DNAJC30: variants seen among roughly 807,000 people sequenced by gnomAD.
The protein encoded by DNAJC30 is dnaJ homolog subfamily C member 30, mitochondrial.
In DNAJC30, 16 loss-of-function variants were observed where a neutral mutation model predicts 15.4. That is an observed-to-expected ratio of 1.04 (90% confidence interval 0.70 to 1.58). The LOEUF is 1.58. Among genes scored for constraint, DNAJC30 ranks in the 40% most tolerant of loss-of-function variants. The pLI is 0.00. For synonymous variants in DNAJC30, 161 were observed against 140.2 expected (o/e 1.15, Z -1.05); for missense variants, 352 against 320.9 (o/e 1.10, Z -0.74).
At position 73,683,144 on chromosome 7, in the gene DNAJC30, T is replaced by C. The variant is rs1554611707; in HGVS notation, c.280A>G (p.Ile94Val). ...CCCAGCACCACGTAGGCCTGGGAGA[T>C]GCGCGTGAAGCGCTCGGCGGCCTCC... The part of the protein sequence containing the change: ...SAEAAERFTR[I>V]SQAYVVLGSA... The change falls in exon 1 of 1, where the codon ATC becomes GTC. Residue 94 changes from isoleucine to valine, a missense_variant. Coordinates refer to ENST00000395176, the MANE Select transcript of DNAJC30 (RefSeq NM_032317.3). 5 of 1,613,978 alleles carry C rather than the reference T, an allele frequency of 3.1e-6. No individual in the cohort carries two copies. The highest frequency in any genetic ancestry group is 3.4e-6 in the Non-Finnish European group (4 of 1,180,016).
At position 73,682,709 on chromosome 7, in the gene DNAJC30, G is replaced by A. The variant is rs1162500821; in HGVS notation, c.*34C>T. 2 of 1,563,888 alleles carry A rather than the reference G, an allele frequency of 1.3e-6. No homozygotes were observed. The highest frequency in any genetic ancestry group is 1.7e-6 in the Non-Finnish European group (2 of 1,153,718). ...GAAAAAAGGCCGTTTCTGGGGGGTT[G>A]GCTGGGGACACTCCCCTTCCCTTCT... On this transcript the variant is annotated 3_prime_UTR_variant, in exon 1 of 1. Transcript: ENST00000395176.
chr7:73,682,681 C>T lies in DNAJC30; in HGVS notation c.*62G>A. ...CTATCAATGGCCAAGGGTTCAGAGG[C>T]AGGAAAAAAGGCCGTTTCTGGGGGG... On this transcript the variant is annotated 3_prime_UTR_variant, in exon 1 of 1. Coordinates refer to ENST00000395176, the MANE Select transcript of DNAJC30 (RefSeq NM_032317.3). The T allele has an allele frequency of 6.5e-7, 1 of 1,536,228 alleles. No individual in the cohort carries two copies. Among genetic ancestry groups the T allele is most frequent in the Non-Finnish European group, 8.8e-7 (1 of 1,141,494 alleles).
At position 73,682,554 on chromosome 7, in the gene DNAJC30, T is replaced by C. The variant is rs1401885145; in HGVS notation, c.*189A>G. 6.2e-6 allele frequency: 4 copies of C among 643,234 alleles called. No individual in the cohort carries two copies. Among genetic ancestry groups the C allele is most frequent in the African/African-American group, 3.7e-5 (2 of 54,112 alleles). 39.8% of individuals were successfully genotyped at this position (643,234 alleles called of 1,614,324 possible). ...CTTTCTCAGACATCGAAAGGCCTCC[T>C]TTTCTGGACCACAGTGGAGCGATGT... On this transcript the variant is annotated 3_prime_UTR_variant, in exon 1 of 1. Transcript: ENST00000395176.
Position 73,682,319 on chromosome 7 carries a change from A to G in DNAJC30, c.*424T>C, listed in dbSNP as rs557380436. The G allele has an allele frequency of 1.9e-5, 3 of 158,854 alleles. No individual in the cohort carries two copies. The highest frequency in any genetic ancestry group is 7.2e-5 in the African/African-American group (3 of 41,770). The allele number at this position is 158,854 out of a possible 1,614,324, so 9.8% of individuals were successfully genotyped here. ...CTTTTGGTAGTCAACAATTGGTCAC[A>G]TTGCACATTTCAAGGTTACAGAGGC... On this transcript the variant is annotated 3_prime_UTR_variant, in exon 1 of 1. Coordinates refer to ENST00000395176, the MANE Select transcript of DNAJC30 (RefSeq NM_032317.3).
In DNAJC30 at chr7:73,683,386, A is replaced by G. The variant is rs369524239; in HGVS notation, c.38T>C (p.Leu13Ser). ...AMRWRWWQRL[L>S]PWRLLQARGF... Reference sequence around the variant, plus strand: ...ACGGGCCTGCAGCAACCTCCAAGGTAACAGCCGCTGCCACCATCGCCAGCG... The same window carrying G: ...ACGGGCCTGCAGCAACCTCCAAGGTGACAGCCGCTGCCACCATCGCCAGCG... The change falls in exon 1 of 1, where the codon TTA (leucine) becomes TCA (serine). Residue 13 changes from leucine (L) to serine (S), a missense_variant. Physicochemically the swap from Leu to Ser is moderately radical, Grantham distance 145. Coordinates refer to ENST00000395176, the MANE Select transcript of DNAJC30 (RefSeq NM_032317.3). The G allele has an allele frequency of 3.0e-5, 48 of 1,612,440 alleles. No homozygotes were observed. The African/African-American group carries it at 6.0e-4, about 20-fold the overall frequency.
Position 73,682,988 on chromosome 7 carries a change from G to A in DNAJC30, c.436C>T (p.Arg146Trp). 6.3e-7 allele frequency: 1 copy of A among 1,599,334 alleles called. No homozygotes were observed. Among genetic ancestry groups the A allele is most frequent in the Non-Finnish European group, 8.5e-7 (1 of 1,170,872 alleles). ...GAGGCCCGAGAACCGTCGTGGGTCC[G>A]AGAGGTGGGCGGCGGGGTACGCGGC... ...GSPRTPPPTSRTHDGSRASPG... is the reference protein window; with the variant it reads ...GSPRTPPPTSWTHDGSRASPG... The change falls in exon 1 of 1, where the codon CGG becomes TGG. Residue 146 changes from arginine to tryptophan, a missense_variant. Coordinates refer to ENST00000395176, the MANE Select transcript of DNAJC30 (RefSeq NM_032317.3).
chr7:73,683,156 G>C lies in DNAJC30; in HGVS notation c.268C>G (p.Arg90Gly), dbSNP rs1554611710. Residue 90 changes from arginine to glycine, a missense_variant, in exon 1 of 1, where the codon CGC (arginine) becomes GGC (glycine). Arg to Gly is a moderately radical substitution (Grantham distance 125). Transcript: ENST00000395176. ...RNSGSAEAAE[R>G]FTRISQAYVV... ...TAGGCCTGGGAGATGCGCGTGAAGC[G>C]CTCGGCGGCCTCCGCGCTCCCGGAG... 1.2e-6 allele frequency: 2 copies of C among 1,614,154 alleles called. No individual in the cohort carries two copies. The highest frequency in any genetic ancestry group is 2.2e-5 in the South Asian group (2 of 91,084).
rs1797732972 is a variant in DNAJC30, at chr7:73,682,250, G to A, written c.*493C>T. On this transcript the variant is annotated 3_prime_UTR_variant, in exon 1 of 1. Transcript: ENST00000395176. ...TGGACCAGGTCTCACCTGCGGCTTG[G>A]GGAAGTCACAGAAAGACAAGTTTCG... The A allele has an allele frequency of 6.5e-6, 1 of 153,478 alleles. No individual in the cohort carries two copies. The highest frequency in any genetic ancestry group is 2.1e-4 in the South Asian group (1 of 4,856). The allele number at this position is 153,478 out of a possible 1,614,324, so 9.5% of individuals were successfully genotyped here.
chr7:73,681,235 AAG>A lies in DNAJC30; in HGVS notation c.*1506_*1507del, dbSNP rs1797699911. On this transcript the variant is annotated 3_prime_UTR_variant, in exon 1 of 1. Transcript: ENST00000395176. ...TGCCAACGTCCAGTGACTCACAGTT[AAG>A]AGAGCTTCAGCAGCAGCTCTGACCA... 6.6e-6 allele frequency: 1 copy of A among 152,260 alleles called. No individual in the cohort carries two copies. The allele number at this position is 152,260 out of a possible 1,614,324, so 9.4% of individuals were successfully genotyped here. A position where few individuals can be genotyped will look rare whatever the true frequency, so the allele number is the denominator to read the frequency against.
Position 73,681,307 on chromosome 7 carries a change from A to G in DNAJC30, c.*1436T>C, listed in dbSNP as rs1554611241. ...AACATGAATTAGAAACAGAGCAGAA[A>G]AAACACGCCTTTAGCCTGCTCTGCG... On this transcript the variant is annotated 3_prime_UTR_variant, in exon 1 of 1. Transcript: ENST00000395176. The G allele has an allele frequency of 6.6e-6, 1 of 152,262 alleles. No individual in the cohort carries two copies. Among genetic ancestry groups the G allele is most frequent in the Admixed American group, 6.6e-5 (1 of 15,260 alleles). 9.4% of individuals were successfully genotyped at this position (152,262 alleles called of 1,614,324 possible).
chr7:73,683,072 C>A lies in DNAJC30; in HGVS notation c.352G>T (p.Glu118Ter). The part of the protein sequence containing the change: ...RKYDRGLLSD[E>*]DLRGPGVRPS... The stretch of plus-strand genomic sequence containing the variant: ...CGGACGCCAGGTCCGCGCAGGTCCT[C>A]GTCGCTGAGTAGGCCGCGATCATAC... Residue 118 changes from glutamate (E) to a stop codon, truncating the protein, a stop_gained, in exon 1 of 1, where the codon GAG becomes TAG. Coordinates refer to ENST00000395176, the MANE Select transcript of DNAJC30 (RefSeq NM_032317.3). LOFTEE classifies it high-confidence loss of function. 6.2e-7 allele frequency: 1 copy of A among 1,603,242 alleles called. No individual in the cohort carries two copies.
rs1369550938 is a variant in DNAJC30 at position 73,682,858 on chromosome 7, A to C, written c.566T>G (p.Leu189Arg). The C allele has an allele frequency of 4.3e-6, 7 of 1,613,938 alleles. No homozygotes were observed. The highest frequency in any genetic ancestry group is 1.6e-4 in the Middle Eastern group (1 of 6,082). Reference sequence around the variant, plus strand: ...GGACCGATACTCCTGCCGTTTGCGAAGGGCCTCCCGCCGGGCCCTCAGGCG... The same window carrying C: ...GGACCGATACTCCTGCCGTTTGCGACGGGCCTCCCGCCGGGCCCTCAGGCG... ...ERRLRARREA[L>R]RKRQEYRSMK... The change falls in exon 1 of 1, where the codon CTT becomes CGT. Residue 189 changes from leucine to arginine, a missense_variant. Coordinates refer to ENST00000395176, the MANE Select transcript of DNAJC30 (RefSeq NM_032317.3).
Position 73,682,571 on chromosome 7 carries a change from G to A in DNAJC30, c.*172C>T. The A allele has an allele frequency of 1.4e-6, 1 of 723,054 alleles. No individual in the cohort carries two copies. The highest frequency in any genetic ancestry group is 2.2e-6 in the Non-Finnish European group (1 of 462,536). 44.8% of individuals were successfully genotyped at this position (723,054 alleles called of 1,614,324 possible). On this transcript the variant is annotated 3_prime_UTR_variant, in exon 1 of 1. Transcript: ENST00000395176. Reference sequence around the variant, plus strand: ...AGGCCTCCTTTTCTGGACCACAGTGGAGCGATGTGCAGGTCATCGGCTAAG... The same window carrying A: ...AGGCCTCCTTTTCTGGACCACAGTGAAGCGATGTGCAGGTCATCGGCTAAG...
At position 73,682,871 on chromosome 7, in the gene DNAJC30, G is replaced by A. The variant is rs201962971; in HGVS notation, c.553C>T (p.Arg185Trp). ...QLERERRLRA[R>W]REALRKRQEY... Reference sequence around the variant, plus strand: ...TGCCGTTTGCGAAGGGCCTCCCGCCGGGCCCTCAGGCGCCGTTCCCGCTCC... The same window carrying A: ...TGCCGTTTGCGAAGGGCCTCCCGCCAGGCCCTCAGGCGCCGTTCCCGCTCC... The change falls in exon 1 of 1, where the codon CGG (arginine) becomes TGG (tryptophan). Residue 185 changes from arginine (R) to tryptophan (W), a missense_variant. Arg to Trp is a moderately radical substitution (Grantham distance 101, BLOSUM62 -3). Transcript: ENST00000395176. 6.2e-7 allele frequency: 1 copy of A among 1,614,094 alleles called. No homozygotes were observed. Among genetic ancestry groups the A allele is most frequent in the African/African-American group, 1.3e-5 (1 of 75,070 alleles).
In DNAJC30 at chr7:73,682,757, CGAT is replaced by C; in HGVS notation, c.664_666del (p.Ile222del). On this transcript the variant is annotated inframe_deletion, in exon 1 of 1. Coordinates refer to ENST00000395176, the MANE Select transcript of DNAJC30 (RefSeq NM_032317.3). ...TCTCTCTCCGATTAAATATAAAAGCCGATGATGATGAAGATTGAAAAGATGAGG... is the reference window on the plus strand; with the variant it reads ...TCTCTCTCCGATTAAATATAAAAGCCGATGATGAAGATTGAAAAGATGAGG... The C allele has an allele frequency of 6.2e-7, 1 of 1,606,214 alleles. No individual in the cohort carries two copies. Among genetic ancestry groups the C allele is most frequent in the Non-Finnish European group, 8.5e-7 (1 of 1,174,964 alleles).
At position 73,683,224 on chromosome 7, in the gene DNAJC30, G is replaced by A; in HGVS notation, c.200C>T (p.Ala67Val). 1 of 1,614,226 alleles carries A rather than the reference G, an allele frequency of 6.2e-7. No individual in the cohort carries two copies. The highest frequency in any genetic ancestry group is 8.5e-7 in the Non-Finnish European group (1 of 1,180,050). The stretch of plus-strand genomic sequence containing the variant: ...GAGAAAGCACTGACGGTAGTAAGCC[G>A]CCTTGATTTGGGCCTGCGTGGCTGT... ...PSTATQAQIK[A>V]AYYRQCFLYH... The change falls in exon 1 of 1, where the codon GCG becomes GTG. Residue 67 changes from alanine (A) to valine (V), a missense_variant. Ala to Val is a moderately conservative substitution (Grantham distance 64). Coordinates refer to ENST00000395176, the MANE Select transcript of DNAJC30 (RefSeq NM_032317.3).
In DNAJC30 at chr7:73,683,167, T is replaced by C; in HGVS notation, c.257A>G (p.Glu86Gly). 1.2e-6 allele frequency: 2 copies of C among 1,614,168 alleles called. No homozygotes were observed. Among genetic ancestry groups the C allele is most frequent in the Non-Finnish European group, 1.7e-6 (2 of 1,180,030 alleles). ...YHPDRNSGSA[E>G]AAERFTRISQ... is the part of the protein sequence containing the mutation. ...GATGCGCGTGAAGCGCTCGGCGGCCTCCGCGCTCCCGGAGTTGCGGTCCGG... is the reference window on the plus strand; with the variant it reads ...GATGCGCGTGAAGCGCTCGGCGGCCCCCGCGCTCCCGGAGTTGCGGTCCGG... The change falls in exon 1 of 1, where the codon GAG (glutamate) becomes GGG (glycine). Residue 86 changes from glutamate (E) to glycine (G), a missense_variant. Glu to Gly is a moderately conservative substitution (Grantham distance 98, BLOSUM62 -2). Coordinates refer to ENST00000395176, the MANE Select transcript of DNAJC30 (RefSeq NM_032317.3).
chr7:73,682,500 G>C lies in DNAJC30; in HGVS notation c.*243C>G, dbSNP rs1797740030. The C allele has an allele frequency of 7.0e-6, 3 of 427,712 alleles. No homozygotes were observed. The highest frequency in any genetic ancestry group is 1.2e-5 in the Non-Finnish European group (3 of 242,192). 26.5% of individuals were successfully genotyped at this position (427,712 alleles called of 1,614,324 possible). A position where few individuals can be genotyped will look rare whatever the true frequency, so the allele number is the denominator to read the frequency against. On this transcript the variant is annotated 3_prime_UTR_variant, in exon 1 of 1. Transcript: ENST00000395176. Reference sequence around the variant, plus strand: ...ACTCCAGGAACCCCCTTCACTCCTGGGCTTTCGGGACTCTACAGCGTGGGG... The same window carrying C: ...ACTCCAGGAACCCCCTTCACTCCTGCGCTTTCGGGACTCTACAGCGTGGGG...
Position 73,683,217 on chromosome 7 carries a change from G to GT in DNAJC30, c.206dup (p.Tyr69Ter). The part of the protein sequence containing the change: ...TATQAQIKAA[Y>*]YRQCFLYHPD... ...GGTGGTAGAGAAAGCACTGACGGTA[G>GT]TAAGCCGCCTTGATTTGGGCCTGCG... The change falls in exon 1 of 1, where the codon TAC becomes TAAC. Residue 69 changes from tyrosine to a stop codon, truncating the protein, a stop_gained and frameshift_variant. Transcript: ENST00000395176. LOFTEE classifies it high-confidence loss of function. 1 of 1,614,254 alleles carries GT rather than the reference G, an allele frequency of 6.2e-7. No homozygotes were observed. Among genetic ancestry groups the GT allele is most frequent in the Non-Finnish European group, 8.5e-7 (1 of 1,180,060 alleles).
Sources: allele counts gnomAD v4.1 joint callset, GRCh38; gene constraint gnomAD v4.1.1; transcripts MANE v1.5; gene names NCBI Gene and HGNC (gene_info 2026-07-23, HGNC 2026-07-21).